ENTREP2: variants seen among roughly 807,000 people sequenced by gnomAD.
ENTREP2 encodes the protein protein ENTREP2.
At chr15:29,235,206 G>T in the ENTREP2 span, 1 of 621,238 alleles carries the variant, frequency 1.6e-6, no homozygotes. Context: ...AAAACAGATA[G>T]TTCTATAGTC....
chr15:29,127,702 G>A, the ENTREP2 span, among the ~76,000 whole-genome samples: 1 of 152,286 alleles, frequency 6.6e-6, no homozygotes, highest in African/African-American at 2.4e-5. Flanking sequence ...CAGGTCCCAG[G>A]AGGGAGGAAG....
the ENTREP2 span, among the ~76,000 whole-genome samples, chr15:29,640,443 A>G: frequency 6.6e-6 from 1 of 152,166 alleles, no homozygotes; most frequent in African/African-American, 2.4e-5. Context: ...GGATGGTCTG[A>G]GCTCAGAAGT....
At chr15:29,529,204 T>C in the ENTREP2 span, among the ~76,000 whole-genome samples, 1 of 476 alleles carries the variant, frequency 2.1e-3, no homozygotes, top group Non-Finnish European at 3.8e-3. Context: ...CACATAAAGG[T>C]GGGGTTGTGA....
At chr15:29,581,464 ATC>A in the ENTREP2 span, among the ~76,000 whole-genome samples, 1 of 152,192 alleles carries the variant, frequency 6.6e-6, no homozygotes, top group Non-Finnish European at 1.5e-5. Context: ...TTAAATTTCC[ATC>A]TCATCCATAA....
At chr15:29,216,187 T>C in the ENTREP2 span, among the ~76,000 whole-genome samples, 7 of 152,192 alleles carry the variant, frequency 4.6e-5, no homozygotes, top group African/African-American at 1.4e-4. Flanking sequence ...TCAGCATTTG[T>C]TTGTCTGAAA....
chr15:29,610,600 A>G, the ENTREP2 span: 43,542 of 150,402 alleles, frequency 0.29, 8,057 homozygotes, highest in African/African-American at 0.36. Flanking sequence ...TTAAGCCATC[A>G]ATGCCGTCAA....
At chr15:29,514,921 A>C in the ENTREP2 span, among the ~76,000 whole-genome samples, 1 of 152,294 alleles carries the variant, frequency 6.6e-6, no homozygotes, top group South Asian at 2.1e-4. Context: ...ATGTCCTTCA[A>C]CACGGCAGGA....
At chr15:29,572,892 C>T in the ENTREP2 span, among the ~76,000 whole-genome samples, 1 of 150,660 alleles carries the variant, frequency 6.6e-6, no homozygotes, top group Non-Finnish European at 1.5e-5. Context: ...GTTTTCTGAC[C>T]ACAATACCAA....
the ENTREP2 span, among the ~76,000 whole-genome samples, chr15:29,599,812 C>T: frequency 2.0e-5 from 3 of 152,186 alleles, no homozygotes; most frequent in East Asian, 3.9e-4. Flanking sequence ...AGATTTATGG[C>T]TTCCTTTAAA....
chr15:29,568,234 C>T, the ENTREP2 span, among the ~76,000 whole-genome samples: 1 of 152,152 alleles, frequency 6.6e-6, no homozygotes, highest in Non-Finnish European at 1.5e-5. Context: ...CATGAAAAAA[C>T]AGACAGGAGG....
the ENTREP2 span, among the ~76,000 whole-genome samples, chr15:29,226,389 A>G: frequency 6.6e-6 from 1 of 152,358 alleles, no homozygotes; most frequent in African/African-American, 2.4e-5. Context: ...AGAAGAATGA[A>G]AACAGAATGA....
the ENTREP2 span, among the ~76,000 whole-genome samples, chr15:29,151,047 GT>G: frequency 2.6e-5 from 4 of 152,230 alleles, no homozygotes; most frequent in Admixed American, 2.6e-4. Context: ...TCTCTTTGTT[GT>G]ACTCAGTAGC....
At chr15:29,400,854 G>A in the ENTREP2 span, among the ~76,000 whole-genome samples, 6 of 152,342 alleles carry the variant, frequency 3.9e-5, no homozygotes, top group Middle Eastern at 3.4e-3. Flanking sequence ...GTGTGAGGTC[G>A]GAGGCTCCTG....
At chr15:29,136,219 G>A in the ENTREP2 span, 106 of 782,956 alleles carry the variant, frequency 1.4e-4, no homozygotes, top group South Asian at 3.7e-4. Context: ...GAATGCATCC[G>A]GGGGCCTCGG....
chr15:29,330,386 C>T, the ENTREP2 span, among the ~76,000 whole-genome samples: 1 of 151,952 alleles, frequency 6.6e-6, no homozygotes, highest in Non-Finnish European at 1.5e-5. Flanking sequence ...GAGGCAGAGA[C>T]TGCAGTGAGC....
the ENTREP2 span, among the ~76,000 whole-genome samples, chr15:29,285,267 G>T: frequency 6.6e-6 from 1 of 152,130 alleles, no homozygotes; most frequent in Non-Finnish European, 1.5e-5. Flanking sequence ...AGATGAACTT[G>T]CTTCTTCCTT....
chr15:29,462,615 CTAA>C, the ENTREP2 span, among the ~76,000 whole-genome samples: 3 of 151,548 alleles, frequency 2.0e-5, no homozygotes, highest in African/African-American at 4.9e-5. Flanking sequence ...GATCTCAAAA[CTAA>C]TAATAATAAT....
At chr15:29,311,275 A>T in the ENTREP2 span, among the ~76,000 whole-genome samples, 1 of 152,356 alleles carries the variant, frequency 6.6e-6, no homozygotes, top group East Asian at 1.9e-4. Flanking sequence ...ATTTATGACC[A>T]CATAACAGTC....
chr15:29,618,315 T>A, the ENTREP2 span, among the ~76,000 whole-genome samples: 2 of 150,738 alleles, frequency 1.3e-5, no homozygotes, highest in African/African-American at 4.9e-5. Context: ...CCCAGCTATT[T>A]GGGAGGCTAA....
Sources: gnomAD v4.1 joint callset for allele counts (sites outside exome capture counted in the v4.1 genomes callset) on GRCh38, gnomAD v4.1.1 for gene constraint, MANE v1.5 for transcripts, NCBI Gene and HGNC (gene_info 2026-07-23, HGNC 2026-07-21) for gene names.